Variants in NDUFA9 observed in about 807,000 individuals in gnomAD.
The protein encoded by NDUFA9 is NADH dehydrogenase [ubiquinone] 1 alpha subcomplex subunit 9, mitochondrial.
In NDUFA9, 23 loss-of-function variants were observed where a neutral mutation model predicts 45.9. The ratio of observed to expected loss-of-function variants is 0.50; its 90% CI spans 0.36 to 0.71. NDUFA9 has a LOEUF of 0.71. Ranked by LOEUF, NDUFA9 falls within the 30% of genes least tolerant of loss-of-function variation. The pLI is 0.00. For synonymous variants in NDUFA9, 176 were observed against 170.5 expected (o/e 1.03, Z -0.25); for missense variants, 466 against 488.2 (o/e 0.95, Z 0.43).
chr12:4,652,016 G>A (rs1175239858), intron 1 of NDUFA9, among the ~76,000 whole-genome samples: 2 of 152,108 alleles, frequency 1.3e-5, no homozygotes, highest in South Asian at 2.1e-4. Context: ...TTAACATAGC[G>A]AGTTTCCTAA....
intron 6 of NDUFA9, among the ~76,000 whole-genome samples, chr12:4,662,935 TTC>T (rs985091569): frequency 1.3e-5 from 2 of 152,184 alleles, no homozygotes; most frequent in Admixed American, 1.3e-4. Context: ...ATGGAATAGT[TTC>T]TCTATCCTAA....
chr12:4,674,715 A>C (rs548966299), intron 8 of NDUFA9, among the ~76,000 whole-genome samples: 2 of 152,324 alleles, frequency 1.3e-5, no homozygotes, highest in East Asian at 1.9e-4. Context: ...CCACACAATA[A>C]TAGTGGGAGA....
intron 7 of NDUFA9, 92 bp from the exon 8 acceptor site, chr12:4,669,648 CT>C: frequency 2.5e-6 from 2 of 806,640 alleles, no homozygotes; most frequent in Non-Finnish European, 2.0e-6. Flanking sequence ...TCCTTCCTTC[CT>C]TTTTCTCTTC....
At chr12:4,660,590 A>G (rs1040501241) in intron 5 of NDUFA9, among the ~76,000 whole-genome samples, 1 of 152,164 alleles carries the variant, frequency 6.6e-6, no homozygotes, top group African/African-American at 2.4e-5. Flanking sequence ...ACCAATGGTT[A>G]GTAATCTGGT....
intron 7 of NDUFA9, 141 bp downstream of exon 7, chr12:4,668,665 CT>C: frequency 4.1e-6 from 3 of 734,208 alleles, no homozygotes; most frequent in Non-Finnish European, 7.1e-6. Flanking sequence ...TCTTAGTTTA[CT>C]TAAGAGGTAC....
chr12:4,670,991 A>G (rs1945883706), intron 8 of NDUFA9, among the ~76,000 whole-genome samples: 1 of 152,134 alleles, frequency 6.6e-6, no homozygotes, highest in South Asian at 2.1e-4. Context: ...CCAGTAAGTC[A>G]TTCTTGTTTG....
At chr12:4,650,298 G>T (rs1945750367) in intron 1 of NDUFA9, among the ~76,000 whole-genome samples, 1 of 152,054 alleles carries the variant, frequency 6.6e-6, no homozygotes, top group Non-Finnish European at 1.5e-5. Flanking sequence ...GGAAGGTGGT[G>T]GTGCACATCA....
intron 8 of NDUFA9, among the ~76,000 whole-genome samples, chr12:4,679,619 A>G (rs887921009): frequency 6.6e-6 from 1 of 152,212 alleles, no homozygotes; most frequent in Admixed American, 6.5e-5. Context: ...ATTCATGGTC[A>G]CCTTAATGAC....
intron 1 of NDUFA9, among the ~76,000 whole-genome samples, chr12:4,651,896 A>G (rs1056911752): frequency 1.3e-5 from 2 of 152,214 alleles, no homozygotes; most frequent in Non-Finnish European, 2.9e-5. Flanking sequence ...GGCTAGGGAA[A>G]ACTTCAGACT....
Position 4,669,802 on chromosome 12 carries a change from C to A in NDUFA9, c.785C>A (p.Ser262Tyr). 1 of 1,612,126 alleles carries A rather than the reference C, an allele frequency of 6.2e-7. No individual in the cohort carries two copies. The highest frequency in any genetic ancestry group is 8.5e-7 in the Non-Finnish European group (1 of 1,178,384). The change falls in exon 8 of 11, where the codon TCC becomes TAC. Residue 262 changes from serine (S) to tyrosine (Y), a missense_variant. Ser to Tyr is a moderately radical substitution (Grantham distance 144). Transcript: ENST00000266544. ...AVKDPDANGK[S>Y]FAFVGPSRYL... ...AAGGATCCTGATGCCAATGGGAAAT[C>A]CTTTGCTTTCGTTGGGTAAGTGCTT...
intron 9 of NDUFA9, among the ~76,000 whole-genome samples, chr12:4,683,972 G>C (rs574814990): frequency 6.6e-6 from 1 of 152,208 alleles, no homozygotes. Flanking sequence ...CTTCAGTGCC[G>C]TGAAAGGGAT....
chr12:4,682,726 T>C (rs547555969), intron 9 of NDUFA9, among the ~76,000 whole-genome samples: 1 of 152,356 alleles, frequency 6.6e-6, no homozygotes, highest in East Asian at 1.9e-4. Flanking sequence ...GGTTGCCTTC[T>C]CTTCTTTCCC....
At chr12:4,658,307 A>G (rs1290871759) in intron 4 of NDUFA9, among the ~76,000 whole-genome samples, 1 of 152,218 alleles carries the variant, frequency 6.6e-6, no homozygotes, top group Non-Finnish European at 1.5e-5. Context: ...ATAGTCCACA[A>G]CACTTTGTTT....
intron 7 of NDUFA9, among the ~76,000 whole-genome samples, chr12:4,669,200 A>G (rs761890803): frequency 1.3e-5 from 2 of 152,230 alleles, no homozygotes; most frequent in African/African-American, 4.8e-5. Context: ...CGCCAGTCAC[A>G]CCACCCTTCA....
chr12:4,656,645 G>A (rs1945792533), intron 3 of NDUFA9, among the ~76,000 whole-genome samples: 1 of 152,226 alleles, frequency 6.6e-6, no homozygotes, highest in South Asian at 2.1e-4. Flanking sequence ...CCACCTGACT[G>A]TGTGCCCTTG....
At chr12:4,661,074 G>A (rs1026844673) in intron 5 of NDUFA9, among the ~76,000 whole-genome samples, 2 of 152,056 alleles carry the variant, frequency 1.3e-5, no homozygotes, top group African/African-American at 4.8e-5. Flanking sequence ...GAGTGAGGCT[G>A]AGGATGTGGA....
Position 4,654,238 on chromosome 12 carries a change from G to C in NDUFA9, c.50-54G>C, listed in dbSNP as rs61909964. The stretch of plus-strand genomic sequence containing the variant: ...GAGAAAGGAGCTATTTGTGTTGACA[G>C]TTTTAAAAATATTAATATTTGCCAT... On this transcript the variant is annotated intron_variant, in intron 1 of 10. Coordinates refer to ENST00000266544, the MANE Select transcript of NDUFA9 (RefSeq NM_005002.5). 0.028 allele frequency: 42,825 copies of C among 1,521,678 alleles called. 758 individuals are homozygous for C. The highest frequency in any genetic ancestry group is 0.064 in the African/African-American group (4,616 of 72,304). The allele number at this position is 1,521,678 out of a possible 1,614,324, so 94.3% of individuals were successfully genotyped here.
chr12:4,669,831 G>A lies in NDUFA9; in HGVS notation c.800+14G>A, dbSNP rs1458103776. ...TGCTTTCGTTGGGTAAGTGCTTAGA[G>A]TTTGAATTTTAAATTGTGCTATTAT... On this transcript the variant is annotated intron_variant, in intron 8 of 10. Transcript: ENST00000266544. 3.2e-6 allele frequency: 5 copies of A among 1,585,332 alleles called. No individual in the cohort carries two copies. Among genetic ancestry groups the A allele is most frequent in the Non-Finnish European group, 3.5e-6 (4 of 1,154,252 alleles).
rs1946021951 is a variant in NDUFA9, at chr12:4,692,181, T to C, written c.*5073T>C. On this transcript the variant is annotated 3_prime_UTR_variant, in exon 11 of 11. Transcript: ENST00000266544. ...TTTGGATGTCCCCACCCAAATCTCA[T>C]GTTGCAATGTAATCTCCAGTGTTGG... The C allele has an allele frequency of 6.6e-6, 1 of 152,218 alleles. No homozygotes were observed. Among genetic ancestry groups the C allele is most frequent in the South Asian group, 2.1e-4 (1 of 4,832 alleles). 9.4% of individuals were successfully genotyped at this position (152,218 alleles called of 1,614,324 possible). A position where few individuals can be genotyped will look rare whatever the true frequency, so the allele number is the denominator to read the frequency against.
Sources: gnomAD v4.1 joint callset for allele counts (sites outside exome capture counted in the v4.1 genomes callset) on GRCh38, gnomAD v4.1.1 for gene constraint, MANE v1.5 for transcripts, NCBI Gene and HGNC (gene_info 2026-07-23, HGNC 2026-07-21) for gene names.